Variants in NRXN3 observed in about 807,000 individuals in gnomAD.
NRXN3 encodes neurexin 3.
Under a neutral mutation model 137.6 loss-of-function variants are expected in NRXN3, and 32 were observed. The observed-to-expected ratio is 0.23, with a 90% confidence interval of 0.18 to 0.31. The LOEUF (loss-of-function observed/expected upper bound fraction) is 0.31, where lower values mean the gene tolerates loss of function less well. NRXN3 is among the 10% of genes least tolerant of loss of function. NRXN3 has a pLI of 1.00. For synonymous variants in NRXN3, 798 were observed against 784.5 expected (o/e 1.02, Z -0.29); for missense variants, 1,574 against 2,062.5 (o/e 0.76, Z 4.59).
chr14:79,449,990 CAAAAAAAAA>C (rs66658022), intron 15 of NRXN3, among the ~76,000 whole-genome samples: 2 of 40,770 alleles, frequency 4.9e-5, no homozygotes, highest in African/African-American at 8.8e-5. Flanking sequence ...AACTCCATCT[CAAAAAAAAA>C]AAAAAAAAAA....
intron 15 of NRXN3, among the ~76,000 whole-genome samples, chr14:79,104,825 C>CTT (rs34769633): frequency 3.9e-4 from 56 of 144,292 alleles, no homozygotes; most frequent in East Asian, 1.2e-3. Flanking sequence ...TATGATAGGG[C>CTT]TTTTTTTTTT....
At chr14:78,949,155 A>C (rs780697340) in intron 10 of NRXN3, among the ~76,000 whole-genome samples, 1 of 152,126 alleles carries the variant, frequency 6.6e-6, no homozygotes, top group Non-Finnish European at 1.5e-5. Context: ...TAGTGACTTC[A>C]TTTATATCTA....
chr14:79,720,030 G>A (rs2098838703), intron 19 of NRXN3, among the ~76,000 whole-genome samples: 2 of 152,112 alleles, frequency 1.3e-5, no homozygotes, highest in Admixed American at 1.3e-4. Flanking sequence ...CATCCCTGGG[G>A]AGTGTATTAG....
intron 2 of NRXN3, among the ~76,000 whole-genome samples, chr14:78,271,304 T>G (rs1186250693): frequency 6.6e-6 from 1 of 152,208 alleles, no homozygotes; most frequent in Admixed American, 6.5e-5. Context: ...CTTTTAGGAT[T>G]GCATACATGC....
chr14:79,447,599 C>G (rs962893485), intron 15 of NRXN3, among the ~76,000 whole-genome samples: 1 of 152,190 alleles, frequency 6.6e-6, no homozygotes, highest in Non-Finnish European at 1.5e-5. Context: ...CTGCCAACAT[C>G]CTTGAACAGT....
Position 79,861,980 on chromosome 14 carries a change from T to C in NRXN3, c.*16T>C, listed in dbSNP as rs760473648. 2 of 1,583,556 alleles carry C rather than the reference T, an allele frequency of 1.3e-6. No individual in the cohort carries two copies. Among genetic ancestry groups the C allele is most frequent in the African/African-American group, 2.7e-5 (2 of 74,070 alleles). ...TTACGTGTAAACATGCGAACACTGC[T>C]CACACGCGAGTTTTCACAGTTATTT... On this transcript the variant is annotated 3_prime_UTR_variant, in exon 21 of 21. Transcript: ENST00000335750. The surrounding 1 kb of genome is among the most constrained non-coding windows in gnomAD (Gnocchi z 5.4).
chr14:79,863,706 G>A lies in NRXN3; in HGVS notation c.*1742G>A, dbSNP rs529334869. 1.3e-5 allele frequency: 2 copies of A among 152,516 alleles called. No homozygotes were observed. The highest frequency in any genetic ancestry group is 2.9e-5 in the Non-Finnish European group (2 of 68,008). The allele number at this position is 152,516 out of a possible 1,614,324, so 9.4% of individuals were successfully genotyped here. A position where few individuals can be genotyped will look rare whatever the true frequency, so the allele number is the denominator to read the frequency against. On this transcript the variant is annotated 3_prime_UTR_variant, in exon 21 of 21. Coordinates refer to ENST00000335750, the MANE Select transcript of NRXN3 (RefSeq NM_001330195.2). ...TGTACAGAAAAACAATAAACTGGTT[G>A]TATGGCCATAGCTATCCGAAAAGCA... is the stretch of plus-strand genomic sequence containing the variant.
At chr14:79,349,922 T>C (rs1395356304) in intron 15 of NRXN3, among the ~76,000 whole-genome samples, 1 of 152,172 alleles carries the variant, frequency 6.6e-6, no homozygotes, top group Non-Finnish European at 1.5e-5. Context: ...AACACCTTGA[T>C]TTTGGACTTC....
At chr14:78,625,907 C>T (rs1333914169) in intron 4 of NRXN3, among the ~76,000 whole-genome samples, 1 of 152,184 alleles carries the variant, frequency 6.6e-6, no homozygotes, top group Non-Finnish European at 1.5e-5. Context: ...GATGCTACCT[C>T]TTTCAATGGA....
intron 1 of NRXN3, among the ~76,000 whole-genome samples, chr14:78,186,496 C>T (rs1419968845): frequency 1.3e-5 from 2 of 152,244 alleles, no homozygotes; most frequent in African/African-American, 2.4e-5. Context: ...CCTCAGGGAT[C>T]TGATGTCTTC....
chr14:79,808,241 A>T (rs1603558647), intron 20 of NRXN3, among the ~76,000 whole-genome samples: 1 of 42,838 alleles, frequency 2.3e-5, no homozygotes, highest in Non-Finnish European at 5.2e-5. Context: ...TCTCTCAATT[A>T]AAAAAAAAAA....
chr14:79,534,594 A>C (rs890470237), intron 16 of NRXN3, among the ~76,000 whole-genome samples: 1 of 152,190 alleles, frequency 6.6e-6, no homozygotes, highest in Non-Finnish European at 1.5e-5. Flanking sequence ...TGTGAATTCT[A>C]TTCAGAGTTT....
chr14:79,580,608 G>A (rs1169449929), intron 16 of NRXN3, among the ~76,000 whole-genome samples: 1 of 152,104 alleles, frequency 6.6e-6, no homozygotes, highest in East Asian at 1.9e-4. Context: ...AGGATTATTA[G>A]AAACGGGAAG....
At chr14:78,330,919 C>A (rs571329015) in intron 4 of NRXN3, among the ~76,000 whole-genome samples, 1 of 152,050 alleles carries the variant, frequency 6.6e-6, no homozygotes, top group Non-Finnish European at 1.5e-5. Context: ...TACCTGTTGC[C>A]CCTTATTAAA....
chr14:78,476,197 T>C (rs1344002173), intron 4 of NRXN3, among the ~76,000 whole-genome samples: 2 of 152,250 alleles, frequency 1.3e-5, no homozygotes, highest in African/African-American at 4.8e-5. Context: ...AATTTCACAG[T>C]GCCTAATTTT....
chr14:78,608,021 A>G (rs1444322203), intron 4 of NRXN3, among the ~76,000 whole-genome samples: 1 of 152,230 alleles, frequency 6.6e-6, no homozygotes, highest in Admixed American at 6.5e-5. Flanking sequence ...CAGTTTAAAA[A>G]TGGAGACAGG....
intron 19 of NRXN3, among the ~76,000 whole-genome samples, chr14:79,720,022 TC>T (rs1366757523): frequency 6.6e-6 from 1 of 152,032 alleles, no homozygotes; most frequent in Non-Finnish European, 1.5e-5. Flanking sequence ...AAATATAACA[TC>T]CCTGGGGAGT....
At chr14:78,528,951 C>T (rs1175959551) in intron 4 of NRXN3, among the ~76,000 whole-genome samples, 1 of 152,132 alleles carries the variant, frequency 6.6e-6, no homozygotes, top group African/African-American at 2.4e-5. Flanking sequence ...ATAGCAGGCA[C>T]AATGCTAGGT....
At chr14:79,306,715 T>C (rs901554151) in intron 15 of NRXN3, among the ~76,000 whole-genome samples, 9 of 152,030 alleles carry the variant, frequency 5.9e-5, no homozygotes, top group African/African-American at 2.2e-4. Context: ...AGTTCATCAT[T>C]TGAGATAAGC....
Sources: gnomAD v4.1 joint callset for allele counts (sites outside exome capture counted in the v4.1 genomes callset) on GRCh38, gnomAD v4.1.1 for gene constraint, Gnocchi (gnomAD v3.1) non-coding constraint, MANE v1.5 for transcripts, NCBI Gene and HGNC (gene_info 2026-07-23, HGNC 2026-07-21) for gene names.